The following KLHL35 variants were observed in gnomAD, a reference collection of about 807,000 sequenced individuals.
KLHL35 encodes kelch-like protein 35.
KLHL35 carries 50 observed loss-of-function variants against 44.0 expected under a neutral mutation model. The ratio of observed to expected loss-of-function variants is 1.14; its 90% CI spans 0.91 to 1.44. KLHL35 has a LOEUF of 1.44. Ranked by LOEUF, KLHL35 falls within the 40% of genes most tolerant of loss-of-function variation. KLHL35 has a pLI of 0.00. For missense variants in KLHL35, 1,049 were observed against 887.8 expected (o/e 1.18, Z -2.31); for synonymous variants, 470 against 410.4 (o/e 1.15, Z -1.76).
In KLHL35 at chr11:75,430,480, G is replaced by A. The variant is rs1948527527; in HGVS notation, c.150C>T (p.Arg50=). The change falls in exon 2 of 7, where the codon CGC becomes CGT. Residue 50 remains arginine (R), a synonymous_variant. Transcript: ENST00000539798. ...LTDVVLRAGG[R]DFPCHRAALS... ...GCGCCGCGCGGTGGCACGGAAAGTC[G>A]CGCCCGCCGGCGCGCAGCACCACGT... 7.1e-7 allele frequency: 1 copy of A among 1,403,112 alleles called. No homozygotes were observed. Among genetic ancestry groups the A allele is most frequent in the Non-Finnish European group, 9.2e-7 (1 of 1,082,062 alleles). 86.9% of individuals were successfully genotyped at this position (1,403,112 alleles called of 1,614,324 possible). A position where few individuals can be genotyped will look rare whatever the true frequency, so the allele number is the denominator to read the frequency against.
At chr11:75,426,812 T>G (rs1041808392) in intron 3 of KLHL35, 174 bp from the exon 4 acceptor site, 8 of 505,102 alleles carry the variant, frequency 1.6e-5, no homozygotes, top group Middle Eastern at 4.3e-4. Context: ...TTTGAATAAG[T>G]GGTGGGAATG....
intron 3 of KLHL35, 99 bp from the exon 4 acceptor site, chr11:75,426,737 T>G: frequency 1.3e-6 from 1 of 744,268 alleles, no homozygotes; most frequent in East Asian, 2.7e-5. Context: ...AAGGAAGGGT[T>G]AAGGGAAGGC....
intron 1 of KLHL35, 75 bp from the exon 2 acceptor site, chr11:75,430,705 G>A (rs1459377867): frequency 1.5e-5 from 18 of 1,208,482 alleles, no homozygotes; most frequent in South Asian, 7.8e-5. Flanking sequence ...GCCCTCATCC[G>A]TTTATTTCCT....
In KLHL35 at chr11:75,423,881, C is replaced by G. The variant is rs1948470441; in HGVS notation, c.1375-1G>C. On this transcript the variant is annotated splice_acceptor_variant, in intron 5 of 6. Coordinates refer to ENST00000539798, the MANE Select transcript of KLHL35 (RefSeq NM_001039548.3). LOFTEE classifies it high-confidence loss of function. ...CCTCCTTGGGGTCAAAGCACTGCAC[C>G]TGAGGGGCAAGAGCAGCAGTGGTGA... is the stretch of plus-strand genomic sequence containing the variant. 2 of 1,610,454 alleles carry G rather than the reference C, an allele frequency of 1.2e-6. No individual in the cohort carries two copies. Among genetic ancestry groups the G allele is most frequent in the African/African-American group, 2.7e-5 (2 of 74,848 alleles).
chr11:75,425,464 C>T lies in KLHL35; in HGVS notation c.1303G>A (p.Ala435Thr). ...APLPEAVSSA[A>T]VASCAGKLFV... ...AGCTTGCCCGCGCAGGACGCCACCG[C>T]CGCCGAGCTCACGGCCTCCGGGAGG... Residue 435 changes from alanine (A) to threonine (T), a missense_variant, in exon 5 of 7, where the codon GCG becomes ACG. Coordinates refer to ENST00000539798, the MANE Select transcript of KLHL35 (RefSeq NM_001039548.3). 1 of 1,572,240 alleles carries T rather than the reference C, an allele frequency of 6.4e-7. No individual in the cohort carries two copies. The highest frequency in any genetic ancestry group is 8.6e-7 in the Non-Finnish European group (1 of 1,164,908).
chr11:75,427,964 G>C (rs1948504595), intron 3 of KLHL35, among the ~76,000 whole-genome samples: 1 of 152,174 alleles, frequency 6.6e-6, no homozygotes, highest in South Asian at 2.1e-4. Flanking sequence ...TGTGTTTTAT[G>C]CTTCTCTGAG....
chr11:75,426,512 G>A lies in KLHL35; in HGVS notation c.1185+8C>T, dbSNP rs756309173. The A allele has an allele frequency of 1.3e-5, 20 of 1,568,138 alleles. No homozygotes were observed. Among genetic ancestry groups the A allele is most frequent in the Admixed American group, 3.6e-5 (2 of 55,664 alleles). ...TGTCCCAGGGCAGCCGCTGCAGCTC[G>A]TGCCTACCTGCCCCTGCACAACTGC... is the stretch of plus-strand genomic sequence containing the variant. On this transcript the variant is annotated splice_region_variant and intron_variant, in intron 4 of 6. Coordinates refer to ENST00000539798, the MANE Select transcript of KLHL35 (RefSeq NM_001039548.3).
At chr11:75,428,196 C>A (rs755850629) in intron 3 of KLHL35, among the ~76,000 whole-genome samples, 3 of 152,224 alleles carry the variant, frequency 2.0e-5, no homozygotes, top group Non-Finnish European at 4.4e-5. Context: ...ATTATTAATA[C>A]TAATACGAAT....
chr11:75,429,199 G>C (rs942658854), intron 2 of KLHL35, among the ~76,000 whole-genome samples: 1 of 152,022 alleles, frequency 6.6e-6, no homozygotes, highest in Non-Finnish European at 1.5e-5. Flanking sequence ...ACCATCTGAC[G>C]CCACCAGAAT....
chr11:75,432,304 T>C (rs1948543748), intron 1 of KLHL35, among the ~76,000 whole-genome samples: 1 of 152,194 alleles, frequency 6.6e-6, no homozygotes, highest in Admixed American at 6.5e-5. Context: ...GATCCCCTGG[T>C]CAGCATCATG....
rs1212849963 is a variant in KLHL35, at chr11:75,430,413, C to G, written c.217G>C (p.Gly73Arg). 1.5e-6 allele frequency: 2 copies of G among 1,365,128 alleles called. No individual in the cohort carries two copies. Among genetic ancestry groups the G allele is most frequent in the Non-Finnish European group, 1.9e-6 (2 of 1,051,532 alleles). The allele number at this position is 1,365,128 out of a possible 1,614,324, so 84.6% of individuals were successfully genotyped here. A position where few individuals can be genotyped will look rare whatever the true frequency, so the allele number is the denominator to read the frequency against. ...SAYFRSLFAAGRPERGPAVVP... is the reference protein window; with the variant it reads ...SAYFRSLFAARRPERGPAVVP... Reference sequence around the variant, plus strand: ...ACGGCCGGGCCGCGCTCGGGCCGCCCGGCCGCGAACAAGCTGCGGAAGTAG... The same window carrying G: ...ACGGCCGGGCCGCGCTCGGGCCGCCGGGCCGCGAACAAGCTGCGGAAGTAG... The change falls in exon 2 of 7, where the codon GGG becomes CGG. Residue 73 changes from glycine (G) to arginine (R), a missense_variant. Transcript: ENST00000539798.
rs992318023 is a variant in KLHL35, at chr11:75,430,205, C to T, written c.425G>A (p.Cys142Tyr). Residue 142 changes from cysteine (C) to tyrosine (Y), a missense_variant, in exon 2 of 7, where the codon TGC (cysteine) becomes TAC (tyrosine). Cys to Tyr is a radical substitution (Grantham distance 194). Transcript: ENST00000539798. Reference protein sequence around the residue: ...RLGVAGLREACVRFLEGRLRA... With the variant: ...RLGVAGLREAYVRFLEGRLRA... ...CAGGCGGCCCTCGAGAAAGCGCACGCAGGCCTCGCGCAGGCCCGCCACGCC... is the reference window on the plus strand; with the variant it reads ...CAGGCGGCCCTCGAGAAAGCGCACGTAGGCCTCGCGCAGGCCCGCCACGCC... 4 of 1,237,508 alleles carry T rather than the reference C, an allele frequency of 3.2e-6. No homozygotes were observed. Among genetic ancestry groups the T allele is most frequent in the South Asian group, 4.8e-5 (2 of 41,554 alleles). The allele number at this position is 1,237,508 out of a possible 1,614,324, so 76.7% of individuals were successfully genotyped here.
chr11:75,429,487 C>T (rs544004404), intron 2 of KLHL35, among the ~76,000 whole-genome samples: 2 of 152,222 alleles, frequency 1.3e-5, no homozygotes, highest in Non-Finnish European at 2.9e-5. Flanking sequence ...GCACCCTGCA[C>T]AGAACTTGCG....
rs761968892 is a variant in KLHL35, at chr11:75,429,758, C to G, written c.872G>C (p.Arg291Pro). ...LGREAGALRT[R>P]PRRFMDLAEV... ...GGGATGGCGGCCCTACCTCCGCGGC[C>G]GGGTCCGCAGCGCACCGGCCTCGCG... The change falls in exon 2 of 7, where the codon CGG becomes CCG. Residue 291 changes from arginine to proline, a missense_variant. Physicochemically the swap from Arg to Pro is moderately radical, Grantham distance 103. Coordinates refer to ENST00000539798, the MANE Select transcript of KLHL35 (RefSeq NM_001039548.3). 6.8e-7 allele frequency: 1 copy of G among 1,469,076 alleles called. No homozygotes were observed. The highest frequency in any genetic ancestry group is 1.3e-5 in the South Asian group (1 of 76,308). 91.0% of individuals were successfully genotyped at this position (1,469,076 alleles called of 1,614,324 possible).
At position 75,429,944 on chromosome 11, in the gene KLHL35, G is replaced by GGCGCGTCGTGGCGCACCC; in HGVS notation, c.668_685dup (p.Ala228_Pro229insArgValArgHisAspAla). On this transcript the variant is annotated inframe_insertion, in exon 2 of 7. Transcript: ENST00000539798. ...GCGTCGCAGCTGGCCGCGGCGGGCC[G>GGCGCGTCGTGGCGCACCC]GCGCGTCGTGGCGCACCCAGCGCAT... 3.4e-6 allele frequency: 5 copies of GGCGCGTCGTGGCGCACCC among 1,451,746 alleles called. No homozygotes were observed. Among genetic ancestry groups the GGCGCGTCGTGGCGCACCC allele is most frequent in the Non-Finnish European group, 4.5e-6 (5 of 1,111,612 alleles). 89.9% of individuals were successfully genotyped at this position (1,451,746 alleles called of 1,614,324 possible).
intron 4 of KLHL35, chr11:75,426,047 C>T (rs1185771133): frequency 6.3e-6 from 1 of 157,850 alleles, no homozygotes; most frequent in African/African-American, 2.4e-5. Context: ...GCTCCGCCTC[C>T]CAGGTTCATG....
intron 1 of KLHL35, among the ~76,000 whole-genome samples, chr11:75,431,291 TAC>T (rs1270123718): frequency 6.6e-6 from 1 of 152,244 alleles, no homozygotes; most frequent in Non-Finnish European, 1.5e-5. Flanking sequence ...GACAGCATCA[TAC>T]ACACAGCTTT....
At chr11:75,429,199 G>A (rs942658854) in intron 2 of KLHL35, among the ~76,000 whole-genome samples, 1 of 152,022 alleles carries the variant, frequency 6.6e-6, no homozygotes, top group African/African-American at 2.4e-5. Context: ...ACCATCTGAC[G>A]CCACCAGAAT....
rs1193839255 is a variant in KLHL35, at chr11:75,430,186, G to A, written c.444C>T (p.Gly148=). The A allele has an allele frequency of 4.0e-6, 5 of 1,243,058 alleles. No homozygotes were observed. Among genetic ancestry groups the A allele is most frequent in the Admixed American group, 3.9e-5 (1 of 25,350 alleles). 77.0% of individuals were successfully genotyped at this position (1,243,058 alleles called of 1,614,324 possible). ...LREACVRFLE[G]RLRAANSLAL... Reference sequence around the variant, plus strand: ...CTAGGCTGTTGGCGGCGCGCAGGCGGCCCTCGAGAAAGCGCACGCAGGCCT... The same window carrying A: ...CTAGGCTGTTGGCGGCGCGCAGGCGACCCTCGAGAAAGCGCACGCAGGCCT... Residue 148 remains glycine, a synonymous_variant, in exon 2 of 7, where the codon GGC becomes GGT. Coordinates refer to ENST00000539798, the MANE Select transcript of KLHL35 (RefSeq NM_001039548.3).
Sources: gnomAD v4.1 joint callset for allele counts (sites outside exome capture counted in the v4.1 genomes callset) on GRCh38, gnomAD v4.1.1 for gene constraint, MANE v1.5 for transcripts, NCBI Gene and HGNC (gene_info 2026-07-23, HGNC 2026-07-21) for gene names.